The following REDIC1 variants were observed in gnomAD, a reference collection of about 807,000 sequenced individuals.
REDIC1 encodes HEI10 Interacting Protein 1.
At chr12:39,812,635 G>T in the REDIC1 span, among the ~76,000 whole-genome samples, 1 of 151,714 alleles carries the variant, frequency 6.6e-6, no homozygotes, top group East Asian at 1.9e-4. Context: ...GCTACGCCCG[G>T]CTGATTTGTA....
the REDIC1 span, among the ~76,000 whole-genome samples, chr12:39,862,818 T>G: frequency 1.3e-5 from 2 of 152,160 alleles, no homozygotes; most frequent in African/African-American, 4.8e-5. Flanking sequence ...AATGGGGATA[T>G]TCATCACCTC....
chr12:39,790,565 CT>C, the REDIC1 span, among the ~76,000 whole-genome samples: 1 of 147,858 alleles, frequency 6.8e-6, no homozygotes, highest in African/African-American at 2.5e-5. Context: ...TTTTTTATGG[CT>C]GCATAGTATT....
chr12:39,740,646 C>A, the REDIC1 span, among the ~76,000 whole-genome samples: 1 of 151,784 alleles, frequency 6.6e-6, no homozygotes, highest in Non-Finnish European at 1.5e-5. Context: ...TCAGTGAGAC[C>A]CTGTGCTGTG....
chr12:39,805,514 GTT>G, the REDIC1 span, among the ~76,000 whole-genome samples: 28,527 of 149,182 alleles, frequency 0.19, 2,923 homozygotes, highest in East Asian at 0.33. Context: ...GCCTCTGTTG[GTT>G]TTTTTTTTTT....
At chr12:39,715,705 G>T in the REDIC1 span, among the ~76,000 whole-genome samples, 2 of 151,804 alleles carry the variant, frequency 1.3e-5, no homozygotes, top group Non-Finnish European at 2.9e-5. Flanking sequence ...ACCAAAACGA[G>T]TGTTTAATTG....
the REDIC1 span, among the ~76,000 whole-genome samples, chr12:39,801,419 C>T: frequency 1.3e-5 from 2 of 149,954 alleles, no homozygotes; most frequent in Middle Eastern, 3.5e-3. Flanking sequence ...AGCAAACAGC[C>T]ATAAACAAAA....
At chr12:39,846,190 A>T in the REDIC1 span, among the ~76,000 whole-genome samples, 1 of 152,178 alleles carries the variant, frequency 6.6e-6, no homozygotes, top group African/African-American at 2.4e-5. Flanking sequence ...CTGCTCTAGA[A>T]AAACCAAGGT....
At chr12:39,643,974 G>C in the REDIC1 span, 2 of 1,293,466 alleles carry the variant, frequency 1.5e-6, no homozygotes, top group African/African-American at 3.1e-5. Flanking sequence ...ATAATGTTTA[G>C]TCTTCTAATT....
At chr12:39,664,078 GT>G in the REDIC1 span, among the ~76,000 whole-genome samples, 65 of 144,594 alleles carry the variant, frequency 4.5e-4, no homozygotes, top group South Asian at 8.7e-4. Context: ...TTGTCTTTGA[GT>G]TTTTTTTTTT....
chr12:39,749,474 C>A, the REDIC1 span, among the ~76,000 whole-genome samples: 1 of 152,182 alleles, frequency 6.6e-6, no homozygotes, highest in Non-Finnish European at 1.5e-5. Context: ...GATTCACAGT[C>A]GAATTCTACC....
the REDIC1 span, among the ~76,000 whole-genome samples, chr12:39,771,731 C>T: frequency 6.6e-6 from 1 of 152,074 alleles, no homozygotes; most frequent in Non-Finnish European, 1.5e-5. Flanking sequence ...AACTCATATG[C>T]CACCAAGTTA....
the REDIC1 span, among the ~76,000 whole-genome samples, chr12:39,686,888 C>T: frequency 6.6e-6 from 1 of 152,220 alleles, no homozygotes; most frequent in Non-Finnish European, 1.5e-5. Context: ...TTAGAAATTT[C>T]TTCTGCCAGA....
the REDIC1 span, among the ~76,000 whole-genome samples, chr12:39,645,150 G>C: frequency 9.6e-4 from 146 of 152,008 alleles, 2 homozygotes; most frequent in African/African-American, 3.3e-3. Context: ...CCTGCTTCAG[G>C]GGAAAGCTGA....
At chr12:39,893,276 A>G in the REDIC1 span, among the ~76,000 whole-genome samples, 4 of 152,222 alleles carry the variant, frequency 2.6e-5, no homozygotes, top group East Asian at 7.7e-4. Context: ...TATAGAAAAC[A>G]AAACATTCCT....
the REDIC1 span, among the ~76,000 whole-genome samples, chr12:39,895,517 TATATATATA>T: frequency 2.2e-3 from 2 of 924 alleles, no homozygotes; most frequent in African/African-American, 7.1e-3. Flanking sequence ...AAAAAAATTA[TATATATATA>T]TATATATATA....
the REDIC1 span, among the ~76,000 whole-genome samples, chr12:39,876,048 T>C: frequency 6.6e-6 from 1 of 152,216 alleles, no homozygotes; most frequent in African/African-American, 2.4e-5. Context: ...TCAAAGTCAT[T>C]TTATAATATC....
At chr12:39,821,531 C>CA in the REDIC1 span, among the ~76,000 whole-genome samples, 1 of 152,098 alleles carries the variant, frequency 6.6e-6, no homozygotes, top group Non-Finnish European at 1.5e-5. Flanking sequence ...GTGGGATTTA[C>CA]AAAACCCAAG....
the REDIC1 span, among the ~76,000 whole-genome samples, chr12:39,838,775 G>A: frequency 6.6e-6 from 1 of 152,062 alleles, no homozygotes; most frequent in African/African-American, 2.4e-5. Flanking sequence ...ATTGATTTGA[G>A]TTAATTTAGA....
chr12:39,676,790 G>A, the REDIC1 span, among the ~76,000 whole-genome samples: 3 of 152,042 alleles, frequency 2.0e-5, no homozygotes, highest in Non-Finnish European at 4.4e-5. Context: ...GAAGGAATTG[G>A]GATCCTATCT....
Sources: gnomAD v4.1 joint callset for allele counts (sites outside exome capture counted in the v4.1 genomes callset) on GRCh38, gnomAD v4.1.1 for gene constraint, MANE v1.5 for transcripts, NCBI Gene and HGNC (gene_info 2026-07-23, HGNC 2026-07-21) for gene names.